TFCP2L1: variants seen among roughly 807,000 people sequenced by gnomAD.
The protein encoded by TFCP2L1 is transcription factor CP2-like protein 1.
TFCP2L1 carries 12 observed loss-of-function variants against 72.2 expected under a neutral mutation model. The ratio of observed to expected loss-of-function variants is 0.17; its 90% CI spans 0.11 to 0.27. The LOEUF (loss-of-function observed/expected upper bound fraction) is 0.27, where lower values mean the gene tolerates loss of function less well. Ranked by LOEUF, TFCP2L1 falls within the 10% of genes least tolerant of loss-of-function variation. TFCP2L1 has a pLI of 1.00. For synonymous variants in TFCP2L1, 260 were observed against 251.0 expected (o/e 1.04, Z -0.34); for missense variants, 488 against 624.6 (o/e 0.78, Z 2.33).
chr2:121,234,134 G>A lies in TFCP2L1; in HGVS notation c.1155C>T (p.Pro385=), dbSNP rs775353695. Residue 385 remains proline (P), a synonymous_variant, in exon 12 of 15, where the codon CCC becomes CCT. Transcript: ENST00000263707. The part of the protein sequence containing the change: ...VCQELEQNRV[P]LQQKRDGSGD... ...CACTGCCGTCCCGCTTCTGCTGCAGGGGCACTCGATTCTGCTCCAGCTCCT... is the reference window on the plus strand; with the variant it reads ...CACTGCCGTCCCGCTTCTGCTGCAGAGGCACTCGATTCTGCTCCAGCTCCT... 74 of 1,613,952 alleles carry A rather than the reference G, an allele frequency of 4.6e-5. No individual in the cohort carries two copies. Among genetic ancestry groups the A allele is most frequent in the Non-Finnish European group, 6.0e-5 (71 of 1,180,044 alleles).
chr2:121,233,097 T>C (rs552010706), intron 12 of TFCP2L1, among the ~76,000 whole-genome samples: 1 of 152,274 alleles, frequency 6.6e-6, no homozygotes, highest in South Asian at 2.1e-4. Context: ...GCAGGCGGAT[T>C]TCTGGAGTCC....
intron 2 of TFCP2L1, among the ~76,000 whole-genome samples, chr2:121,253,128 G>A (rs1342027592): frequency 2.6e-5 from 4 of 152,182 alleles, no homozygotes; most frequent in Non-Finnish European, 4.4e-5. Context: ...GCTCCCCACC[G>A]GCCATGACAC....
chr2:121,283,038 A>C (rs1687296729), intron 1 of TFCP2L1, among the ~76,000 whole-genome samples: 1 of 152,184 alleles, frequency 6.6e-6, no homozygotes. Context: ...GTTCTCTAGG[A>C]ACACTGAGGA....
rs1038376880 is a variant in TFCP2L1, at chr2:121,250,755, T to C, written c.215-1108A>G. Among the ~76,000 whole-genome samples the C allele has an allele frequency of 7.3e-5, 11 of 151,344 alleles. No homozygotes were observed. In the East Asian group the frequency reaches 1.0e-3, roughly 14 times the overall value. On this transcript the variant is annotated intron_variant, in intron 2 of 14. Coordinates refer to ENST00000263707, the MANE Select transcript of TFCP2L1 (RefSeq NM_014553.3). ...CTGAGTAGCTGAGATTACAGGCGCC[T>C]GCCACCACGCCCAGCTAATTTTTGT...
intron 13 of TFCP2L1, 70 bp downstream of exon 13, chr2:121,231,756 G>A: frequency 1.3e-6 from 2 of 1,577,162 alleles, no homozygotes; most frequent in Non-Finnish European, 1.7e-6. Context: ...GTGTTTCTGG[G>A]GCAGGGGTTC....
intron 2 of TFCP2L1, among the ~76,000 whole-genome samples, chr2:121,252,398 G>A (rs1347495915): frequency 6.6e-6 from 1 of 152,162 alleles, no homozygotes; most frequent in Non-Finnish European, 1.5e-5. Flanking sequence ...AGACACTCCT[G>A]TAGTGGGTTG....
At chr2:121,278,025 CTCTCT>C (rs1687179744) in intron 2 of TFCP2L1, among the ~76,000 whole-genome samples, 1 of 141,352 alleles carries the variant, frequency 7.1e-6, no homozygotes, top group Admixed American at 7.8e-5. Context: ...ACTCCTTTTT[CTCTCT>C]TTTTTTTTTT....
intron 13 of TFCP2L1, among the ~76,000 whole-genome samples, chr2:121,231,272 G>A (rs1156310154): frequency 6.6e-6 from 1 of 152,224 alleles, no homozygotes; most frequent in African/African-American, 2.4e-5. Context: ...TAACCCTTTG[G>A]CAGGCATATT....
At chr2:121,234,714 A>G (rs1184083594) in intron 11 of TFCP2L1, among the ~76,000 whole-genome samples, 1 of 152,252 alleles carries the variant, frequency 6.6e-6, no homozygotes, top group Non-Finnish European at 1.5e-5. Flanking sequence ...CGTCCATCAC[A>G]TCAGCCTCGG....
intron 8 of TFCP2L1, among the ~76,000 whole-genome samples, chr2:121,238,608 G>A (rs1041847599): frequency 2.0e-5 from 3 of 152,170 alleles, no homozygotes; most frequent in African/African-American, 7.2e-5. Context: ...CCGGTCATCA[G>A]TGAAGACAGC....
Position 121,220,150 on chromosome 2 carries a change from C to T in TFCP2L1, c.*4191G>A, listed in dbSNP as rs1685904217. 1 of 152,188 alleles carries T rather than the reference C, an allele frequency of 6.6e-6. No homozygotes were observed. Among genetic ancestry groups the T allele is most frequent in the South Asian group, 2.1e-4 (1 of 4,830 alleles). The allele number at this position is 152,188 out of a possible 1,614,324, so 9.4% of individuals were successfully genotyped here. A position where few individuals can be genotyped will look rare whatever the true frequency, so the allele number is the denominator to read the frequency against. On this transcript the variant is annotated 3_prime_UTR_variant, in exon 15 of 15. Transcript: ENST00000263707. ...AGATCTTCAGTTACTCAGGCCAGCC[C>T]CTGAAGCAATGCTGGACTTGGAAAC...
intron 2 of TFCP2L1, among the ~76,000 whole-genome samples, chr2:121,270,397 G>C (rs945182887): frequency 2.0e-5 from 3 of 152,166 alleles, no homozygotes; most frequent in Non-Finnish European, 4.4e-5. Context: ...GTACAAACTG[G>C]CACAACTTCA....
rs1337859545 is a variant in TFCP2L1 at position 121,249,658 on chromosome 2, G to T, written c.215-11C>A. On this transcript the variant is annotated splice_polypyrimidine_tract_variant and intron_variant, in intron 2 of 14. Transcript: ENST00000263707. Reference sequence around the variant, plus strand: ...TTTCATAAGACTGACCTGGATGGGGGTTAAAAGGACATTTTCCATTTCTGA... The same window carrying T: ...TTTCATAAGACTGACCTGGATGGGGTTTAAAAGGACATTTTCCATTTCTGA... 6.2e-7 allele frequency: 1 copy of T among 1,613,752 alleles called. No individual in the cohort carries two copies. The highest frequency in any genetic ancestry group is 8.5e-7 in the Non-Finnish European group (1 of 1,179,766).
Position 121,218,369 on chromosome 2 carries a change from A to G in TFCP2L1, c.*5972T>C, listed in dbSNP as rs1180614723. The stretch of plus-strand genomic sequence containing the variant: ...ATTCCCTATCATAAATCAGTGGCAT[A>G]AACAGCCAGTGGGCCAGGTGGGCCC... On this transcript the variant is annotated 3_prime_UTR_variant, in exon 15 of 15. Transcript: ENST00000263707. The G allele has an allele frequency of 6.6e-6, 1 of 152,212 alleles. No homozygotes were observed. The highest frequency in any genetic ancestry group is 1.5e-5 in the Non-Finnish European group (1 of 68,038). The allele number at this position is 152,212 out of a possible 1,614,324, so 9.4% of individuals were successfully genotyped here. A position where few individuals can be genotyped will look rare whatever the true frequency, so the allele number is the denominator to read the frequency against.
At position 121,281,275 on chromosome 2, in the gene TFCP2L1, C is replaced by A; in HGVS notation, c.63-4G>T. The A allele has an allele frequency of 1.3e-6, 2 of 1,594,444 alleles. No individual in the cohort carries two copies. The highest frequency in any genetic ancestry group is 1.1e-5 in the South Asian group (1 of 88,456). ...GATGGGCAGAGCGAGCACATCACTG[C>A]AACACACGGGAAGCAGAGGTCAGGA... On this transcript the variant is annotated splice_region_variant and splice_polypyrimidine_tract_variant and intron_variant, in intron 1 of 14. Coordinates refer to ENST00000263707, the MANE Select transcript of TFCP2L1 (RefSeq NM_014553.3).
rs563972289 is a variant in TFCP2L1 at position 121,275,540 on chromosome 2, T to C, written c.214+5580A>G. On this transcript the variant is annotated intron_variant, in intron 2 of 14. Transcript: ENST00000263707. ...ATAAAGCATAATCTCATCCATTTGT[T>C]TTTTTAAGAAAAAGTATAGAAGTAA... Among the ~76,000 whole-genome samples, 4 of 151,960 alleles carry C rather than the reference T, an allele frequency of 2.6e-5. No homozygotes were observed. In the East Asian group the frequency reaches 7.7e-4, roughly 29 times the overall value.
chr2:121,267,061 G>T (rs1031573155), intron 2 of TFCP2L1, among the ~76,000 whole-genome samples: 2 of 151,874 alleles, frequency 1.3e-5, no homozygotes, highest in African/African-American at 2.4e-5. Flanking sequence ...TGGGACTACA[G>T]TGCCTGCCAC....
chr2:121,246,834 T>G lies in TFCP2L1; in HGVS notation c.641A>C (p.Gln214Pro). Reference protein sequence around the residue: ...YTEHLHSASCQIKVFKPKGAD... With the variant: ...YTEHLHSASCPIKVFKPKGAD... The stretch of plus-strand genomic sequence containing the variant: ...CCATCCTACCTTGAACACCTTGATC[T>G]GGCAGCTGGCTGAGTGCAGGTGCTC... The change falls in exon 6 of 15, where the codon CAG (glutamine) becomes CCG (proline). Residue 214 changes from glutamine to proline, a missense_variant. This residue lies in a region of TFCP2L1 where 129 missense variants were observed against 236.0 expected (regional missense o/e 0.55). Transcript: ENST00000263707. The G allele has an allele frequency of 6.2e-7, 1 of 1,614,174 alleles. No homozygotes were observed. Among genetic ancestry groups the G allele is most frequent in the Non-Finnish European group, 8.5e-7 (1 of 1,180,012 alleles).
chr2:121,231,761 G>C, intron 13 of TFCP2L1, 65 bp downstream of exon 13: 1 of 1,582,584 alleles, frequency 6.3e-7, no homozygotes, highest in South Asian at 1.1e-5. Flanking sequence ...TCTGGGGCAG[G>C]GGTTCTGACA....
Sources: gnomAD v4.1 joint callset for allele counts (sites outside exome capture counted in the v4.1 genomes callset) on GRCh38, gnomAD v4.1.1 for gene constraint, gnomAD v4.1.1 regional missense constraint, MANE v1.5 for transcripts, NCBI Gene and HGNC (gene_info 2026-07-23, HGNC 2026-07-21) for gene names.